The following DNAJC10 variants were observed in gnomAD, a reference collection of about 807,000 sequenced individuals.
DNAJC10 encodes DnaJ heat shock protein family (Hsp40) member C10.
Under a neutral mutation model 115.0 loss-of-function variants are expected in DNAJC10, and 101 were observed. The observed-to-expected ratio is 0.88, with a 90% CI of 0.75 to 1.04. The LOEUF is 1.04. DNAJC10 is among the 50% of genes least tolerant of loss of function. The probability of loss-of-function intolerance (pLI) is 0.00; values close to 1 mark genes in which losing one functional copy is unlikely to be tolerated. For missense variants in DNAJC10, 981 were observed against 928.8 expected, an observed-to-expected ratio of 1.06 and a Z score of -0.73; for synonymous variants, 307 against 301.5, an observed-to-expected ratio of 1.02 and a Z score of -0.19.
At chr2:182,736,208 C>T (rs1693580483) in intron 10 of DNAJC10, 41 bp from the exon 11 acceptor site, 1 of 1,524,310 alleles carries the variant, frequency 6.6e-7, no homozygotes, top group East Asian at 2.6e-5. Flanking sequence ...AACTTTTTGC[C>T]TCCCATTTAC....
At chr2:182,739,681 G>A (rs569199920) in intron 11 of DNAJC10, 15 of 1,038,164 alleles carry the variant, frequency 1.4e-5, no homozygotes, top group Admixed American at 1.0e-4. Context: ...TAAGAGACTC[G>A]GGCCGAAAAC....
chr2:182,753,399 T>G (rs891939890), intron 16 of DNAJC10, among the ~76,000 whole-genome samples: 1 of 152,090 alleles, frequency 6.6e-6, no homozygotes, highest in Admixed American at 6.6e-5. Context: ...CACAGAAGTT[T>G]AAGCCAGCAG....
In DNAJC10 at chr2:182,757,717, G is replaced by A; in HGVS notation, c.1835G>A (p.Gly612Asp). Reference protein sequence around the residue: ...ARTLTGLINVGSIDCQQYHSF... With the variant: ...ARTLTGLINVDSIDCQQYHSF... ...ACATTAACTGGACTGATCAACGTGG[G>A]CAGTATAGATTGCCAACAGTATCAT... Residue 612 changes from glycine (G) to aspartate (D), a missense_variant, in exon 19 of 24, where the codon GGC becomes GAC. Coordinates refer to ENST00000264065, the MANE Select transcript of DNAJC10 (RefSeq NM_018981.4). 2 of 1,593,770 alleles carry A rather than the reference G, an allele frequency of 1.3e-6. No individual in the cohort carries two copies. The highest frequency in any genetic ancestry group is 1.7e-6 in the Non-Finnish European group (2 of 1,171,948).
intron 10 of DNAJC10, among the ~76,000 whole-genome samples, chr2:182,734,676 CTACTTTGTGGATATTTCTATT>C (rs1693542163): frequency 6.6e-6 from 1 of 151,814 alleles, no homozygotes; most frequent in Admixed American, 6.6e-5. Flanking sequence ...ATATCCTCCA[CTACTTTGTGGATATTTCTATT>C]TCCTTTGTTT....
chr2:182,728,420 A>G (rs1284554844), intron 5 of DNAJC10, among the ~76,000 whole-genome samples, 156 bp from the exon 6 acceptor site: 1 of 152,222 alleles, frequency 6.6e-6, no homozygotes, highest in Non-Finnish European at 1.5e-5. Context: ...TCATTTATGT[A>G]GAAGATATAG....
At chr2:182,750,643 A>G (rs180723635) in intron 14 of DNAJC10, among the ~76,000 whole-genome samples, 34 of 152,366 alleles carry the variant, frequency 2.2e-4, no homozygotes, top group Middle Eastern at 3.4e-3. Context: ...CTACACATCT[A>G]GGCTATACAG....
chr2:182,735,073 A>G lies in DNAJC10; in HGVS notation c.850-1176A>G, dbSNP rs1693551320. ...CTATGCTTACCATCTTGTTAGTTTT[A>G]TATTTGTCCTACCTGTTTTATAGTC... On this transcript the variant is annotated intron_variant, in intron 10 of 23. Coordinates refer to ENST00000264065, the MANE Select transcript of DNAJC10 (RefSeq NM_018981.4). Among the ~76,000 whole-genome samples, 5 of 151,220 alleles carry G rather than the reference A, an allele frequency of 3.3e-5. No individual in the cohort carries two copies. The South Asian group carries it at 1.0e-3, about 32-fold the overall frequency.
intron 19 of DNAJC10, 120 bp downstream of exon 19, chr2:182,757,945 G>A (rs1284982569): frequency 1.2e-5 from 7 of 578,694 alleles, no homozygotes; most frequent in Middle Eastern, 4.8e-4. Flanking sequence ...AGCCCACTAC[G>A]TAAAGATAGT....
intron 11 of DNAJC10, among the ~76,000 whole-genome samples, chr2:182,738,580 G>T (rs377261371): frequency 3.3e-5 from 5 of 151,062 alleles, no homozygotes; most frequent in Non-Finnish European, 5.9e-5. Flanking sequence ...TTGTTCTGTC[G>T]CCCAGGCTGG....
At chr2:182,732,396 T>C in intron 9 of DNAJC10, 103 bp from the exon 10 acceptor site, 1 of 1,058,330 alleles carries the variant, frequency 9.4e-7, no homozygotes, top group Non-Finnish European at 1.5e-6. Context: ...GCTCAATTAA[T>C]TGCCTTCGAA....
intron 10 of DNAJC10, among the ~76,000 whole-genome samples, chr2:182,734,603 A>G (rs1203782503): frequency 3.3e-5 from 5 of 151,830 alleles, no homozygotes; most frequent in African/African-American, 1.2e-4. Context: ...TGTTAATCAG[A>G]TCCTCTAGAT....
intron 13 of DNAJC10, 43 bp from the exon 14 acceptor site, chr2:182,743,555 G>T: frequency 7.3e-7 from 1 of 1,375,088 alleles, no homozygotes; most frequent in Non-Finnish European, 1.0e-6. Flanking sequence ...AATCAAATGG[G>T]TAAGACAGTG....
chr2:182,740,698 C>G, intron 12 of DNAJC10, among the ~76,000 whole-genome samples: 1 of 152,092 alleles, frequency 6.6e-6, no homozygotes, highest in Non-Finnish European at 1.5e-5. Context: ...TTCTTGCTTA[C>G]AGAACGGATT....
At chr2:182,718,783 A>C (rs1425115681) in intron 3 of DNAJC10, among the ~76,000 whole-genome samples, 1 of 152,198 alleles carries the variant, frequency 6.6e-6, no homozygotes, top group African/African-American at 2.4e-5. Flanking sequence ...ACTTCACAGC[A>C]GCTGAATATA....
At chr2:182,750,847 A>C (rs575526514) in intron 14 of DNAJC10, among the ~76,000 whole-genome samples, 1 of 152,264 alleles carries the variant, frequency 6.6e-6, no homozygotes, top group South Asian at 2.1e-4. Flanking sequence ...GCTCCATTAT[A>C]ATCTTATGGG....
chr2:182,737,717 A>G (rs946480285), intron 11 of DNAJC10, among the ~76,000 whole-genome samples: 1 of 152,206 alleles, frequency 6.6e-6, no homozygotes, highest in Non-Finnish European at 1.5e-5. Context: ...TTAAATGCCT[A>G]TAACCATATT....
At position 182,762,820 on chromosome 2, in the gene DNAJC10, C is replaced by G. The variant is rs1694318895; in HGVS notation, c.2265+19C>G. On this transcript the variant is annotated intron_variant, in intron 22 of 23. Transcript: ENST00000264065. ...AGCAAAGGTATGTCCAGACTTTCCT[C>G]TGTTCCTTCCCTTAGTAGGCCAAGC... The G allele has an allele frequency of 6.2e-7, 1 of 1,607,662 alleles. No individual in the cohort carries two copies. Among genetic ancestry groups the G allele is most frequent in the Non-Finnish European group, 8.5e-7 (1 of 1,176,190 alleles).
chr2:182,727,927 T>C (rs938779641), intron 5 of DNAJC10, among the ~76,000 whole-genome samples: 12 of 152,214 alleles, frequency 7.9e-5, no homozygotes. Context: ...AGATATTATA[T>C]GTTGTTCAAA....
At chr2:182,748,436 A>G (rs990033657) in intron 14 of DNAJC10, among the ~76,000 whole-genome samples, 21 of 152,292 alleles carry the variant, frequency 1.4e-4, no homozygotes, top group Admixed American at 1.3e-3. Context: ...CAGAGATTCA[A>G]CTTCTTCCTG....
Sources: allele counts gnomAD v4.1 joint callset (sites outside exome capture counted in the v4.1 genomes callset), GRCh38; gene constraint gnomAD v4.1.1; transcripts MANE v1.5; gene names NCBI Gene and HGNC (gene_info 2026-07-23, HGNC 2026-07-21).